ARL15: variants seen among roughly 807,000 people sequenced by gnomAD.
ARL15 encodes the protein ADP-ribosylation factor-like protein 15.
Under a neutral mutation model 25.2 loss-of-function variants are expected in ARL15, and 19 were observed. The ratio of observed to expected loss-of-function variants is 0.75; its 90% CI spans 0.53 to 1.10. The LOEUF is 1.10. Ranked by LOEUF, ARL15 falls within the 50% of genes least tolerant of loss-of-function variation. The probability of loss-of-function intolerance (pLI) is 0.00; values close to 1 mark genes in which losing one functional copy is unlikely to be tolerated. For synonymous variants in ARL15, 94 were observed against 86.8 expected, an observed-to-expected ratio of 1.08 and a Z score of -0.46; for missense variants, 220 against 246.0, an observed-to-expected ratio of 0.89 and a Z score of 0.71.
intron 4 of ARL15, among the ~76,000 whole-genome samples, chr5:54,018,047 T>C (rs1749480893): frequency 6.6e-6 from 1 of 152,282 alleles, no homozygotes; most frequent in Admixed American, 6.5e-5. Flanking sequence ...ATATAATCAC[T>C]AGGCTTGTTG....
chr5:54,039,818 A>C (rs1750280508), intron 4 of ARL15, among the ~76,000 whole-genome samples: 1 of 151,274 alleles, frequency 6.6e-6, no homozygotes, highest in South Asian at 2.1e-4. Context: ...AAAAAAAAAA[A>C]AAAAAAAACA....
intron 4 of ARL15, among the ~76,000 whole-genome samples, chr5:53,913,802 G>A (rs1745539994): frequency 6.6e-6 from 1 of 152,142 alleles, no homozygotes; most frequent in African/African-American, 2.4e-5. Context: ...AGCTGAAGGT[G>A]AGGTTTTCCT....
At chr5:54,275,527 G>A (rs750993430) in intron 1 of ARL15, among the ~76,000 whole-genome samples, 25 of 152,070 alleles carry the variant, frequency 1.6e-4, no homozygotes, top group Non-Finnish European at 3.1e-4. Context: ...CAAACATACG[G>A]GAGTGGTGAA....
intron 3 of ARL15, among the ~76,000 whole-genome samples, chr5:54,123,732 T>C (rs527935331): frequency 7.2e-5 from 11 of 152,324 alleles, no homozygotes; most frequent in Admixed American, 2.0e-4. Flanking sequence ...TCATACTTAA[T>C]CATATCACTA....
chr5:54,275,150 G>A (rs1334796082), intron 1 of ARL15, among the ~76,000 whole-genome samples: 2 of 152,190 alleles, frequency 1.3e-5, no homozygotes, highest in East Asian at 3.9e-4. Context: ...CACACTATGT[G>A]CTCATTCAGT....
chr5:53,907,488 A>ACATATATATTTTTT (rs1745303676), intron 4 of ARL15, among the ~76,000 whole-genome samples: 1 of 18,016 alleles, frequency 5.6e-5, no homozygotes, highest in African/African-American at 2.9e-4. Flanking sequence ...ATATATATAT[A>ACATATATATTTTTT]TTTTTTTTTT....
intron 4 of ARL15, among the ~76,000 whole-genome samples, chr5:53,969,277 T>C (rs1747662694): frequency 6.6e-6 from 1 of 152,214 alleles, no homozygotes; most frequent in African/African-American, 2.4e-5. Flanking sequence ...ACTGAAATAC[T>C]TGCAAAAGTA....
At chr5:54,214,711 T>A (rs1033966387) in intron 1 of ARL15, among the ~76,000 whole-genome samples, 1 of 152,196 alleles carries the variant, frequency 6.6e-6, no homozygotes, top group African/African-American at 2.4e-5. Context: ...TCCATTCTTC[T>A]GACTTCATTT....
At chr5:54,199,607 C>A (rs1308111418) in intron 1 of ARL15, among the ~76,000 whole-genome samples, 1 of 151,544 alleles carries the variant, frequency 6.6e-6, no homozygotes, top group African/African-American at 2.4e-5. Context: ...TCATCTCACA[C>A]CAGTTAGAAT....
intron 1 of ARL15, among the ~76,000 whole-genome samples, chr5:54,284,686 C>CTGG (rs1248255953): frequency 6.6e-6 from 1 of 152,154 alleles, no homozygotes; most frequent in Non-Finnish European, 1.5e-5. Context: ...CCTGAAAACC[C>CTGG]TCAATTTATT....
chr5:54,015,084 G>A (rs1749374452), intron 4 of ARL15, among the ~76,000 whole-genome samples: 1 of 151,918 alleles, frequency 6.6e-6, no homozygotes, highest in African/African-American at 2.4e-5. Context: ...CCTGAAGTCA[G>A]GAGTTCGAGA....
intron 1 of ARL15, among the ~76,000 whole-genome samples, chr5:54,283,329 G>A (rs1252581355): frequency 6.6e-6 from 1 of 152,208 alleles, no homozygotes; most frequent in Non-Finnish European, 1.5e-5. Flanking sequence ...AGATTGGAAA[G>A]CCAAAGGCTA....
chr5:54,154,674 T>C (rs1395984911), intron 2 of ARL15, 35 bp from the exon 3 acceptor site: 3 of 1,324,694 alleles, frequency 2.3e-6, no homozygotes, highest in African/African-American at 3.1e-5. Flanking sequence ...AAAAAAGAAT[T>C]AGCAACTTTT....
At chr5:54,285,276 C>CTA (rs1280705958) in intron 1 of ARL15, 8 of 703,514 alleles carry the variant, frequency 1.1e-5, no homozygotes, top group Non-Finnish European at 1.2e-5. Flanking sequence ...TAAGAGAGGT[C>CTA]TATAGAAAAA....
At chr5:54,282,521 T>A (rs546845027) in intron 1 of ARL15, 1 of 985,310 alleles carries the variant, frequency 1.0e-6, no homozygotes, top group Non-Finnish European at 1.2e-6. Context: ...GTCTGGGGCA[T>A]GTGGCTTTAT....
chr5:54,045,397 G>T (rs1408477070), intron 4 of ARL15, among the ~76,000 whole-genome samples: 1 of 152,092 alleles, frequency 6.6e-6, no homozygotes, highest in Non-Finnish European at 1.5e-5. Flanking sequence ...TTGTCAAACT[G>T]AACTCCAAAA....
At chr5:54,305,034 T>C (rs1484703712) in intron 1 of ARL15, among the ~76,000 whole-genome samples, 1 of 152,182 alleles carries the variant, frequency 6.6e-6, no homozygotes, top group Non-Finnish European at 1.5e-5. Context: ...ATCCTGCAAA[T>C]GGTGACAGAT....
chr5:54,229,851 C>T (rs10043654), intron 1 of ARL15, among the ~76,000 whole-genome samples: 18,197 of 152,162 alleles, frequency 0.12, 1,736 homozygotes, highest in African/African-American at 0.26. Flanking sequence ...CCGGCAATCT[C>T]ACTTCCCGTT....
intron 4 of ARL15, among the ~76,000 whole-genome samples, chr5:54,012,849 C>T (rs1350251774): frequency 1.0e-4 from 14 of 135,926 alleles, no homozygotes; most frequent in East Asian, 4.4e-4. Flanking sequence ...GATGGAGTCT[C>T]GCTCTGTCGC....
Sources: gnomAD v4.1 joint callset for allele counts (sites outside exome capture counted in the v4.1 genomes callset) on GRCh38, gnomAD v4.1.1 for gene constraint, MANE v1.5 for transcripts, NCBI Gene and HGNC (gene_info 2026-07-23, HGNC 2026-07-21) for gene names.